Variants in CCDC88C observed in about 807,000 individuals in gnomAD.
The protein encoded by CCDC88C is protein Daple.
Under a neutral mutation model 198.8 loss-of-function variants are expected in CCDC88C, and 131 were observed. The ratio of observed to expected loss-of-function variants is 0.66; its 90% CI spans 0.57 to 0.76. The LOEUF is 0.76. Among genes scored for constraint, CCDC88C ranks in the 30% least tolerant of loss-of-function variants. The probability of loss-of-function intolerance (pLI) is 0.00; values close to 1 mark genes in which losing one functional copy is unlikely to be tolerated. For synonymous variants in CCDC88C, 1,166 were observed against 1,114.7 expected (o/e 1.05, Z -0.92); for missense variants, 2,553 against 2,631.6 (o/e 0.97, Z 0.65).
At chr14:91,341,781 G>A (rs1303188973) in intron 6 of CCDC88C, among the ~76,000 whole-genome samples, 1 of 152,208 alleles carries the variant, frequency 6.6e-6, no homozygotes, top group Non-Finnish European at 1.5e-5. Context: ...CAAAGGGCCG[G>A]GAAGGTCAGG....
intron 13 of CCDC88C, 116 bp downstream of exon 13, chr14:91,321,004 C>T: frequency 2.1e-6 from 2 of 971,792 alleles, no homozygotes; most frequent in Non-Finnish European, 3.0e-6. Context: ...CACTGCCTGA[C>T]ACCTGCATGC....
intron 29 of CCDC88C, among the ~76,000 whole-genome samples, chr14:91,275,702 TCA>T (rs997620938): frequency 5.9e-4 from 90 of 151,896 alleles, no homozygotes; most frequent in African/African-American, 2.0e-3. Flanking sequence ...AGATGGGGTT[TCA>T]CTATGTTGGC....
chr14:91,350,782 A>G (rs2139885174), intron 4 of CCDC88C, among the ~76,000 whole-genome samples: 1 of 152,280 alleles, frequency 6.6e-6, no homozygotes, highest in African/African-American at 2.4e-5. Context: ...GACTGACCAT[A>G]TTCCATAGAG....
intron 4 of CCDC88C, among the ~76,000 whole-genome samples, chr14:91,353,537 A>C (rs1253338127): frequency 2.6e-5 from 4 of 152,130 alleles, no homozygotes; most frequent in African/African-American, 9.7e-5. Context: ...CCTCTGGCTG[A>C]GGGGCAGCCA....
In CCDC88C at chr14:91,289,234, C is replaced by A. The variant is rs553553889; in HGVS notation, c.4312G>T (p.Glu1438Ter). 6.2e-7 allele frequency: 1 copy of A among 1,614,056 alleles called. No homozygotes were observed. The highest frequency in any genetic ancestry group is 8.5e-7 in the Non-Finnish European group (1 of 1,179,894). The part of the protein sequence containing the change: ...STVDSPPWQL[E>*]SSDPASPAAS... Reference sequence around the variant, plus strand: ...GCCGGCGAGGCGGGGTCTGAGGACTCCAGCTGCCAGGGAGGGCTGTCCACG... The same window carrying A: ...GCCGGCGAGGCGGGGTCTGAGGACTACAGCTGCCAGGGAGGGCTGTCCACG... The change falls in exon 25 of 30, where the codon GAG (glutamate) becomes TAG (stop). Residue 1438 changes from glutamate to a stop codon, truncating the protein, a stop_gained. Coordinates refer to ENST00000389857, the MANE Select transcript of CCDC88C (RefSeq NM_001080414.4). LOFTEE classifies it high-confidence loss of function.
intron 29 of CCDC88C, among the ~76,000 whole-genome samples, chr14:91,275,648 TTTGTATCTTTAGTAGAGATGGGGTTTCA>T (rs559400532): frequency 0.015 from 2,199 of 151,350 alleles, 32 homozygotes; most frequent in Middle Eastern, 0.024. Context: ...CCGGTTCATT[TTTGTATCTTTAGTAGAGATGGGGTTTCA>T]TTGTATCTTT....
chr14:91,410,733 A>G (rs1179070182), intron 2 of CCDC88C, among the ~76,000 whole-genome samples: 1 of 152,234 alleles, frequency 6.6e-6, no homozygotes, highest in Non-Finnish European at 1.5e-5. Flanking sequence ...ATGAAAATCA[A>G]TTTCACAGTG....
At chr14:91,319,070 GC>G (rs1417710784) in intron 13 of CCDC88C, among the ~76,000 whole-genome samples, 1 of 152,166 alleles carries the variant, frequency 6.6e-6, no homozygotes, top group Non-Finnish European at 1.5e-5. Flanking sequence ...GCTGAGGGTT[GC>G]CCATCCTGCA....
intron 25 of CCDC88C, chr14:91,285,811 A>G (rs1178146021): frequency 7.8e-7 from 1 of 1,288,842 alleles, no homozygotes; most frequent in Non-Finnish European, 1.0e-6. Flanking sequence ...TGCTTTTCAA[A>G]AAGGGACTCT....
In CCDC88C at chr14:91,313,167, G is replaced by A. The variant is rs369864154; in HGVS notation, c.2649C>T (p.Ala883=). 1.3e-5 allele frequency: 21 copies of A among 1,611,542 alleles called. No homozygotes were observed. The highest frequency in any genetic ancestry group is 2.2e-5 in the East Asian group (1 of 44,866). Residue 883 remains alanine, a synonymous_variant, in exon 15 of 30, where the codon GCC becomes GCT. Transcript: ENST00000389857. This position sits in a 1 kb window ranked among gnomAD's most constrained non-coding sequence, Gnocchi z 5.2. The stretch of plus-strand genomic sequence containing the variant: ...CCTTCTCCAGCTCCTTCAGCTTGCC[G>A]GCTGCGTCCCTGCAGCGGGCCAGCT... The part of the protein sequence containing the change: ...DKELARCRDA[A]GKLKELEKDN...
intron 3 of CCDC88C, chr14:91,384,451 T>G: frequency 1.9e-6 from 1 of 524,940 alleles, no homozygotes; most frequent in Non-Finnish European, 3.9e-6. Flanking sequence ...TGGGTTTTGA[T>G]CCTTCTTTGG....
intron 19 of CCDC88C, among the ~76,000 whole-genome samples, chr14:91,304,511 C>T (rs1199121075): frequency 2.6e-5 from 4 of 152,224 alleles, no homozygotes; most frequent in East Asian, 3.8e-4. Context: ...ACTGCTTGAG[C>T]CCAGGAGTTG....
chr14:91,378,661 T>C (rs1409528907), intron 3 of CCDC88C: 3 of 152,402 alleles, frequency 2.0e-5, no homozygotes, highest in Non-Finnish European at 4.4e-5. Context: ...GTAGTTTTAT[T>C]GCACCTGTAA....
At chr14:91,409,430 C>T (rs966420596) in intron 2 of CCDC88C, among the ~76,000 whole-genome samples, 8 of 151,524 alleles carry the variant, frequency 5.3e-5, no homozygotes, top group Admixed American at 2.6e-4. Context: ...CTGCCTCAGA[C>T]CCCCAAAACA....
Position 91,313,376 on chromosome 14 carries a change from C to T in CCDC88C, c.2440G>A (p.Glu814Lys). The T allele has an allele frequency of 5.0e-6, 8 of 1,610,328 alleles. No individual in the cohort carries two copies. Among genetic ancestry groups the T allele is most frequent in the Non-Finnish European group, 6.8e-6 (8 of 1,179,834 alleles). The change falls in exon 15 of 30, where the codon GAG (glutamate) becomes AAG (lysine). Residue 814 changes from glutamate to lysine, a missense_variant. By Grantham distance (56) the Glu-to-Lys change is moderately conservative (BLOSUM62 1). Around this residue, in one of 2 missense-constraint regions of CCDC88C, gnomAD observed 1,260 missense variants for 1,412.0 expected, o/e 0.89. Transcript: ENST00000389857. The surrounding 1 kb of genome is among the most constrained non-coding windows in gnomAD (Gnocchi z 5.2). ...GCCTTCCTGTCCTTCTCGGCCCCCTCCAACTGTGCATTGGCCAGCCGGAGG... is the reference window on the plus strand; with the variant it reads ...GCCTTCCTGTCCTTCTCGGCCCCCTTCAACTGTGCATTGGCCAGCCGGAGG... ...EALRLANAQL[E>K]GAEKDRKALE...
chr14:91,364,635 A>G (rs1345745380), intron 3 of CCDC88C, among the ~76,000 whole-genome samples: 3 of 152,164 alleles, frequency 2.0e-5, no homozygotes, highest in Non-Finnish European at 4.4e-5. Flanking sequence ...GGGGTGGGCC[A>G]GGACCCCCTC....
chr14:91,310,865 A>G (rs1041785705), intron 15 of CCDC88C, among the ~76,000 whole-genome samples: 4 of 152,054 alleles, frequency 2.6e-5, no homozygotes, highest in African/African-American at 4.8e-5. Context: ...CCTCCTACCA[A>G]ATCCTCAGAC....
intron 15 of CCDC88C, among the ~76,000 whole-genome samples, chr14:91,311,595 G>A (rs776480281): frequency 1.3e-5 from 2 of 152,202 alleles, no homozygotes; most frequent in South Asian, 2.1e-4. Context: ...TGACTCCAGC[G>A]CCTGGCTTCT....
chr14:91,299,698 C>T (rs768797961), intron 21 of CCDC88C, among the ~76,000 whole-genome samples: 9 of 152,230 alleles, frequency 5.9e-5, no homozygotes, highest in Admixed American at 5.2e-4. Context: ...GAGGGGAGAA[C>T]CACTTAACTC....
Sources: allele counts gnomAD v4.1 joint callset (sites outside exome capture counted in the v4.1 genomes callset), GRCh38; gene constraint gnomAD v4.1.1; regional missense constraint gnomAD v4.1.1; non-coding constraint Gnocchi (gnomAD v3.1); transcripts MANE v1.5; gene names NCBI Gene and HGNC (gene_info 2026-07-23, HGNC 2026-07-21).